The following SPECC1 variants were observed in gnomAD, a reference collection of about 807,000 sequenced individuals.
The protein encoded by SPECC1 is cytospin-B.
A neutral mutation model predicts 104.1 loss-of-function variants in SPECC1; 62 were observed. The observed-to-expected ratio is 0.60, with a 90% confidence interval of 0.49 to 0.74. The LOEUF (loss-of-function observed/expected upper bound fraction) is 0.74. Ranked by LOEUF, SPECC1 falls within the 30% of genes least tolerant of loss-of-function variation. The pLI, the probability that SPECC1 is intolerant of heterozygous loss-of-function variation, is 0.00. For synonymous variants in SPECC1, 513 were observed against 501.6 expected, an observed-to-expected ratio of 1.02 and a Z score of -0.30; for missense variants, 1,306 against 1,310.5, an observed-to-expected ratio of 1.00 and a Z score of 0.05.
rs115724167 is a variant in SPECC1 at position 20,023,328 on chromosome 17, G to A, written c.-22+13904G>A. ...GTCTTCCTTCTCTTGTTTTTAAGGT[G>A]CAAGGTTATACATAACATTTTGCTA... On this transcript the variant is annotated intron_variant, in intron 1 of 14. Coordinates refer to ENST00000395527, the MANE Select transcript of SPECC1 (RefSeq NM_001243439.2). Among the ~76,000 whole-genome samples, 987 of 152,272 alleles carry A rather than the reference G, an allele frequency of 6.5e-3. 7 individuals carry two copies. Among genetic ancestry groups the A allele is most frequent in the African/African-American group, 0.022 (932 of 41,548 alleles).
At chr17:20,232,491 G>A (rs1040576808) in intron 7 of SPECC1, 86 bp downstream of exon 7, 6 of 1,417,756 alleles carry the variant, frequency 4.2e-6, no homozygotes, top group South Asian at 2.7e-5. Context: ...CTTCATGTCT[G>A]TGCCAGGTTC....
chr17:20,110,638 C>T, intron 3 of SPECC1, 76 bp downstream of exon 3: 2 of 1,419,578 alleles, frequency 1.4e-6, no homozygotes, highest in Non-Finnish European at 1.9e-6. Flanking sequence ...GACCCATGAC[C>T]CATCCATTCC....
chr17:20,280,987 G>C (rs538894209), intron 12 of SPECC1, among the ~76,000 whole-genome samples: 2 of 152,224 alleles, frequency 1.3e-5, no homozygotes, highest in Non-Finnish European at 2.9e-5. Flanking sequence ...ATTCAGCTGC[G>C]TTAGTGTGAG....
At chr17:20,239,191 T>G in intron 7 of SPECC1, 1 of 1,022,418 alleles carries the variant, frequency 9.8e-7, no homozygotes, top group African/African-American at 1.7e-5. Context: ...TTTGTTGACA[T>G]TTAAATATGA....
chr17:20,254,134 CGTGTGTGTGTGTGT>C (rs71357419), intron 10 of SPECC1, among the ~76,000 whole-genome samples: 25 of 135,976 alleles, frequency 1.8e-4, no homozygotes, highest in Non-Finnish European at 3.1e-4. Context: ...GTTGTTACAC[CGTGTGTGTGTGTGT>C]GTGTGTGTGT....
rs8067545 is a variant in SPECC1, at chr17:20,009,397, T to A, written c.-49T>A. ...CGCCCGGAGCCGTGGCCGCTGGGGGTTGCGGCGGCGCTGAGCCAGCGGGGC... is the reference window on the plus strand; with the variant it reads ...CGCCCGGAGCCGTGGCCGCTGGGGGATGCGGCGGCGCTGAGCCAGCGGGGC... On this transcript the variant is annotated 5_prime_UTR_variant, in exon 1 of 15. It adds an upstream start codon to the 5' untranslated region. Transcript: ENST00000395527. The surrounding 1 kb of genome is among the most constrained non-coding windows in gnomAD (Gnocchi z 5.2). 1 of 151,876 alleles carries A rather than the reference T, an allele frequency of 6.6e-6. No individual in the cohort carries two copies. 9.4% of individuals were successfully genotyped at this position (151,876 alleles called of 1,614,324 possible).
intron 5 of SPECC1, among the ~76,000 whole-genome samples, chr17:20,228,587 A>G (rs532744514): frequency 7.2e-5 from 11 of 152,330 alleles, no homozygotes; most frequent in Admixed American, 2.0e-4. Context: ...TCTGACAGAG[A>G]TGGATGATAG....
chr17:20,217,457 G>A (rs1220291195), intron 4 of SPECC1, among the ~76,000 whole-genome samples: 4 of 152,182 alleles, frequency 2.6e-5, no homozygotes, highest in African/African-American at 9.7e-5. Context: ...TTGAGGGACA[G>A]CAGCCTCACC....
At chr17:20,262,308 T>C (rs72830202) in intron 12 of SPECC1, among the ~76,000 whole-genome samples, 8,030 of 152,312 alleles carry the variant, frequency 0.053, 289 homozygotes, top group Non-Finnish European at 0.079. Context: ...TCATTCCTGC[T>C]GGATACATGC....
intron 3 of SPECC1, among the ~76,000 whole-genome samples, chr17:20,144,352 G>A (rs1233929130): frequency 1.3e-5 from 2 of 151,222 alleles, no homozygotes; most frequent in Non-Finnish European, 2.9e-5. Flanking sequence ...CATCATGCTC[G>A]GCTAATTTTT....
At chr17:20,196,355 G>C (rs141073104) in intron 3 of SPECC1, among the ~76,000 whole-genome samples, 40 of 152,270 alleles carry the variant, frequency 2.6e-4, no homozygotes, top group African/African-American at 8.7e-4. Context: ...CTTAGGACAC[G>C]CCAGGCAGAA....
At chr17:20,026,663 A>C (rs905574789) in intron 1 of SPECC1, among the ~76,000 whole-genome samples, 3 of 152,052 alleles carry the variant, frequency 2.0e-5, no homozygotes, top group African/African-American at 7.2e-5. Flanking sequence ...TATATGCCAC[A>C]TTTTCTTTAT....
chr17:20,105,439 A>T (rs1457085694), intron 2 of SPECC1, among the ~76,000 whole-genome samples: 1 of 152,124 alleles, frequency 6.6e-6, no homozygotes, highest in Non-Finnish European at 1.5e-5. Flanking sequence ...TGCTCCCTTC[A>T]CCACTCCCTG....
Position 20,292,325 on chromosome 17 carries a change from T to C in SPECC1, c.2941-4636T>C, listed in dbSNP as rs564103774. Among the ~76,000 whole-genome samples the C allele has an allele frequency of 7.9e-5, 12 of 151,484 alleles. No individual in the cohort carries two copies. In the East Asian group the frequency reaches 2.4e-3, roughly 30 times the overall value. On this transcript the variant is annotated intron_variant, in intron 12 of 14. Transcript: ENST00000395527. Reference sequence around the variant, plus strand: ...CACCCCACTGCCCCACCACCGCCTGTTTTTTCATCTTTTTTTTTGGGGGGG... The same window carrying C: ...CACCCCACTGCCCCACCACCGCCTGCTTTTTCATCTTTTTTTTTGGGGGGG...
intron 1 of SPECC1, among the ~76,000 whole-genome samples, chr17:20,030,531 T>A (rs930820079): frequency 6.6e-6 from 1 of 152,190 alleles, no homozygotes; most frequent in East Asian, 1.9e-4. Context: ...TATTTGCAAA[T>A]ATATTACAAG....
At chr17:20,224,510 G>T (rs1329285930) in intron 4 of SPECC1, among the ~76,000 whole-genome samples, 1 of 152,172 alleles carries the variant, frequency 6.6e-6, no homozygotes, top group Non-Finnish European at 1.5e-5. Context: ...AGCTTTAGCA[G>T]TCTGCTTGGT....
chr17:20,298,972 TATGTAG>T (rs796557081), intron 13 of SPECC1, among the ~76,000 whole-genome samples: 2 of 67,296 alleles, frequency 3.0e-5, no homozygotes, highest in African/African-American at 1.6e-4. Flanking sequence ...TGTGTGTGTG[TATGTAG>T]AGAGAGAGAG....
intron 1 of SPECC1, among the ~76,000 whole-genome samples, chr17:20,076,449 C>A (rs775887827): frequency 1.3e-5 from 2 of 152,220 alleles, no homozygotes; most frequent in Non-Finnish European, 2.9e-5. Context: ...ATCTGCCTGC[C>A]TTGGCCTCCT....
chr17:20,249,302 C>A (rs944870410), intron 9 of SPECC1, among the ~76,000 whole-genome samples: 1 of 152,114 alleles, frequency 6.6e-6, no homozygotes, highest in African/African-American at 2.4e-5. Flanking sequence ...CCTGTTGTCC[C>A]AGCCACTCAG....
Sources: allele counts gnomAD v4.1 joint callset (sites outside exome capture counted in the v4.1 genomes callset), GRCh38; gene constraint gnomAD v4.1.1; non-coding constraint Gnocchi (gnomAD v3.1); transcripts MANE v1.5; gene names NCBI Gene and HGNC (gene_info 2026-07-23, HGNC 2026-07-21).